The following KAZN variants were observed in gnomAD, a reference collection of about 807,000 sequenced individuals.
KAZN encodes the protein kazrin.
Under a neutral mutation model 87.4 loss-of-function variants are expected in KAZN, and 40 were observed. That is an observed-to-expected ratio of 0.46 (90% CI 0.36 to 0.60). The LOEUF is 0.60. Ranked by LOEUF, KAZN falls within the 20% of genes least tolerant of loss-of-function variation. The probability of loss-of-function intolerance (pLI) is 0.00; values close to 1 mark genes in which losing one functional copy is unlikely to be tolerated. For missense variants in KAZN, 898 were observed against 1,073.9 expected, an observed-to-expected ratio of 0.84 and a Z score of 2.29; for synonymous variants, 466 against 458.3, an observed-to-expected ratio of 1.02 and a Z score of -0.22.
rs1678562576 is a variant in KAZN, at chr1:14,619,959, G to A, written c.226+20736G>A. On this transcript the variant is annotated intron_variant, in intron 1 of 14. Coordinates refer to ENST00000376030, the MANE Select transcript of KAZN (RefSeq NM_201628.3). Reference sequence around the variant, plus strand: ...ATTGATGGGCACGTGAGTTGTTTCTGCCTTTTTGGATGTTGTGAATAGTGG... The same window carrying A: ...ATTGATGGGCACGTGAGTTGTTTCTACCTTTTTGGATGTTGTGAATAGTGG... Among the ~76,000 whole-genome samples the A allele has an allele frequency of 2.0e-5, 3 of 152,142 alleles. No individual in the cohort carries two copies. The South Asian group carries it at 6.2e-4, about 31-fold the overall frequency.
rs1358062628 is a variant in KAZN at position 14,184,290 on chromosome 1, T to G, written c.249+3698T>G. On this transcript the variant is annotated intron_variant, in intron 2 of 16. Transcript: ENST00000636203. This position sits in a 1 kb window ranked among gnomAD's most constrained non-coding sequence, Gnocchi z 4.2. The stretch of plus-strand genomic sequence containing the variant: ...CTCCTCCTCCCCTCCTATTTTCTCC[T>G]TCTCTCAAATCTATTCCCCTCCTCC... Among the ~76,000 whole-genome samples, 2 of 151,926 alleles carry G rather than the reference T, an allele frequency of 1.3e-5. No homozygotes were observed. Among genetic ancestry groups the G allele is most frequent in the African/African-American group, 4.8e-5 (2 of 41,374 alleles).
intron 1 of KAZN, among the ~76,000 whole-genome samples, chr1:14,030,136 C>A (rs555549808): frequency 6.6e-6 from 1 of 150,786 alleles, no homozygotes; most frequent in Admixed American, 6.6e-5. Context: ...TTGTTTGTAT[C>A]CTCTTTTATT....
At chr1:14,167,882 C>A (rs1161970501) in intron 1 of KAZN, among the ~76,000 whole-genome samples, 1 of 152,154 alleles carries the variant, frequency 6.6e-6, no homozygotes, top group Non-Finnish European at 1.5e-5. Flanking sequence ...GGCCAGATGA[C>A]CCAGCCACTG....
intron 1 of KAZN, among the ~76,000 whole-genome samples, chr1:14,890,708 A>G (rs1342152712): frequency 6.6e-6 from 1 of 151,998 alleles, no homozygotes; most frequent in Non-Finnish European, 1.5e-5. Flanking sequence ...TTTTTTTTTA[A>G]TCTAGAGCTG....
Position 14,320,743 on chromosome 1 carries a change from AC to A in KAZN, c.249+140152del, listed in dbSNP as rs1655990524. ...TTAGAAAAACCGCAACAGTTGGCAG[AC>A]TTTCCTTTAGCCACTGGTACAAGCT... On this transcript the variant is annotated intron_variant, in intron 2 of 16. Coordinates refer to the KAZN transcript ENST00000636203. Among the ~76,000 whole-genome samples, 3 of 152,338 alleles carry A rather than the reference AC, an allele frequency of 2.0e-5. No homozygotes were observed. In the South Asian group the frequency reaches 6.2e-4, roughly 32 times the overall value.
At chr1:14,827,706 C>T (rs1295233968) in intron 1 of KAZN, among the ~76,000 whole-genome samples, 1 of 152,216 alleles carries the variant, frequency 6.6e-6, no homozygotes, top group Non-Finnish European at 1.5e-5. Flanking sequence ...AGAATGTTCA[C>T]AAGGGCCTTT....
chr1:14,528,580 T>C (rs564369578), intron 2 of KAZN, among the ~76,000 whole-genome samples: 1 of 150,922 alleles, frequency 6.6e-6, no homozygotes, highest in Admixed American at 6.6e-5. Context: ...GCCCAGGAGT[T>C]CAAGACCAGC....
At chr1:14,271,291 G>A (rs1651903431) in intron 2 of KAZN, among the ~76,000 whole-genome samples, 1 of 152,170 alleles carries the variant, frequency 6.6e-6, no homozygotes, top group Admixed American at 6.5e-5. Flanking sequence ...TTCCTGAAGG[G>A]TAGAGCTTCA....
intron 2 of KAZN, among the ~76,000 whole-genome samples, chr1:14,247,951 C>T (rs550692766): frequency 3.3e-5 from 5 of 152,246 alleles, no homozygotes. Flanking sequence ...AGCCTGCTGA[C>T]AAAATGCATA....
intron 2 of KAZN, among the ~76,000 whole-genome samples, chr1:14,333,948 C>G (rs1025706206): frequency 5.3e-5 from 8 of 152,120 alleles, no homozygotes; most frequent in Non-Finnish European, 1.2e-4. Context: ...TCACCCAGGT[C>G]ACATAGGAGG....
intron 1 of KAZN, among the ~76,000 whole-genome samples, chr1:14,051,817 G>A (rs1642342598): frequency 6.6e-6 from 1 of 152,128 alleles, no homozygotes; most frequent in Non-Finnish European, 1.5e-5. Flanking sequence ...TCCAGCCTGG[G>A]CAACAGAGCC....
chr1:14,893,133 C>T (rs888348595), intron 1 of KAZN, among the ~76,000 whole-genome samples: 34 of 151,942 alleles, frequency 2.2e-4, no homozygotes, highest in Admixed American at 1.4e-3. Context: ...TTTGGGAGGC[C>T]GAGGCAGGTG....
At chr1:14,505,295 G>T (rs752995594) in intron 2 of KAZN, among the ~76,000 whole-genome samples, 1 of 152,128 alleles carries the variant, frequency 6.6e-6, no homozygotes, top group Non-Finnish European at 1.5e-5. Flanking sequence ...ACATGGTTCC[G>T]CCCCTTCTAA....
intron 1 of KAZN, among the ~76,000 whole-genome samples, chr1:14,777,756 T>C (rs1401691066): frequency 1.3e-5 from 2 of 152,212 alleles, no homozygotes; most frequent in Non-Finnish European, 2.9e-5. Context: ...TTTTTGATTA[T>C]ATGCTAAATA....
At chr1:13,983,620 C>T (rs549996226) in intron 1 of KAZN, among the ~76,000 whole-genome samples, 5 of 152,328 alleles carry the variant, frequency 3.3e-5, no homozygotes, top group East Asian at 3.9e-4. Context: ...CACAGCGAAG[C>T]GATGGGCTGA....
At chr1:15,059,570 G>A (rs964260790) in intron 5 of KAZN, among the ~76,000 whole-genome samples, 1 of 152,164 alleles carries the variant, frequency 6.6e-6, no homozygotes, top group African/African-American at 2.4e-5. Flanking sequence ...GGTCTTCCAG[G>A]CGAGAGTCAG....
Position 15,021,252 on chromosome 1 carries a change from A to G in KAZN, c.419-13497A>G, listed in dbSNP as rs1670636839. Among the ~76,000 whole-genome samples, 1 of 152,106 alleles carries G rather than the reference A, an allele frequency of 6.6e-6. No individual in the cohort carries two copies. Among genetic ancestry groups the G allele is most frequent in the Non-Finnish European group, 1.5e-5 (1 of 68,026 alleles). On this transcript the variant is annotated intron_variant, in intron 2 of 14. Coordinates refer to ENST00000376030, the MANE Select transcript of KAZN (RefSeq NM_201628.3). The surrounding 1 kb of genome is among the most constrained non-coding windows in gnomAD (Gnocchi z 4.2). ...GCCCAGGCCATTATCTTGCCTGCAT[A>G]CGACCTCACACACCCACACAAGCCT...
chr1:14,489,768 A>T (rs1325110552), intron 2 of KAZN, among the ~76,000 whole-genome samples: 1 of 149,518 alleles, frequency 6.7e-6, no homozygotes, highest in African/African-American at 2.4e-5. Flanking sequence ...AATAATAATA[A>T]TAATGAATAC....
intron 2 of KAZN, among the ~76,000 whole-genome samples, chr1:14,424,864 C>A (rs775593986): frequency 1.3e-5 from 2 of 152,186 alleles, no homozygotes; most frequent in Non-Finnish European, 2.9e-5. Flanking sequence ...CTTGCTGAGC[C>A]AATGCCAACC....
Sources: gnomAD v4.1 joint callset for allele counts (sites outside exome capture counted in the v4.1 genomes callset) on GRCh38, gnomAD v4.1.1 for gene constraint, Gnocchi (gnomAD v3.1) non-coding constraint, MANE v1.5 for transcripts, NCBI Gene and HGNC (gene_info 2026-07-23, HGNC 2026-07-21) for gene names.